Variants in PRICKLE2 observed in about 807,000 individuals in gnomAD.
PRICKLE2 encodes prickle-like protein 2.
A neutral mutation model predicts 81.4 loss-of-function variants in PRICKLE2; 21 were observed. That is an observed-to-expected ratio of 0.26 (90% CI 0.18 to 0.37). PRICKLE2 has a LOEUF of 0.37. Ranked by LOEUF, PRICKLE2 falls within the 10% of genes least tolerant of loss-of-function variation. The probability of loss-of-function intolerance (pLI) is 1.00; values close to 1 mark genes in which losing one functional copy is unlikely to be tolerated. For missense variants in PRICKLE2, 940 were observed against 1,109.0 expected (o/e 0.85, Z 2.16); for synonymous variants, 456 against 421.5 (o/e 1.08, Z -1.00).
At chr3:64,134,234 G>C (rs1015018319) in intron 7 of PRICKLE2, among the ~76,000 whole-genome samples, 1 of 152,150 alleles carries the variant, frequency 6.6e-6, no homozygotes, top group African/African-American at 2.4e-5. Flanking sequence ...CAGGTCAACT[G>C]GGCCCTTAAA....
At chr3:64,211,226 C>T (rs1333045393) in intron 1 of PRICKLE2, among the ~76,000 whole-genome samples, 2 of 152,058 alleles carry the variant, frequency 1.3e-5, no homozygotes, top group Non-Finnish European at 2.9e-5. Context: ...GTCCAAAAGG[C>T]GGAACAGAGG....
intron 2 of PRICKLE2, among the ~76,000 whole-genome samples, chr3:64,258,893 G>GAAAGAAATAAATAAAT (rs796940955): frequency 6.7e-4 from 95 of 140,816 alleles, no homozygotes; most frequent in African/African-American, 2.5e-3. Flanking sequence ...AAGAAAGAAA[G>GAAAGAAATAAATAAAT]AAATCAGGAG....
At position 64,099,643 on chromosome 3, in the gene PRICKLE2, C is replaced by T. The variant is rs894055397; in HGVS notation, c.1943G>A (p.Gly648Glu). The change falls in exon 8 of 8, where the codon GGG becomes GAG. Residue 648 changes from glycine (G) to glutamate (E), a missense_variant. Coordinates refer to ENST00000638394, the MANE Select transcript of PRICKLE2 (RefSeq NM_198859.4). The surrounding 1 kb of genome is among the most constrained non-coding windows in gnomAD (Gnocchi z 4.3). ...CCCTGGCAGCTTGCTGCCCGCCATC[C>T]CTCCATCAAAATCAAAGCTCTGATG... ...RMHQSFDFDGGMAGSKLPGQE... is the reference protein window; with the variant it reads ...RMHQSFDFDGEMAGSKLPGQE... 8 of 1,614,054 alleles carry T rather than the reference C, an allele frequency of 5.0e-6. No individual in the cohort carries two copies. The highest frequency in any genetic ancestry group is 6.8e-6 in the Non-Finnish European group (8 of 1,180,050).
At chr3:64,163,508 C>G in intron 2 of PRICKLE2, 1 of 324,634 alleles carries the variant, frequency 3.1e-6, no homozygotes. Context: ...GCCTCCCTAG[C>G]CAAAGGGATA....
chr3:64,210,314 G>T (rs2078764637), intron 1 of PRICKLE2, among the ~76,000 whole-genome samples: 1 of 151,850 alleles, frequency 6.6e-6, no homozygotes, highest in African/African-American at 2.4e-5. Context: ...CCCTTTTTTG[G>T]CAAACACTCA....
chr3:64,169,384 C>T (rs559526351), intron 2 of PRICKLE2, among the ~76,000 whole-genome samples: 150 of 152,226 alleles, frequency 9.9e-4, no homozygotes, highest in Admixed American at 1.8e-3. Flanking sequence ...CCCTGGATTG[C>T]GTTTCTCTGA....
At chr3:64,143,408 G>T (rs1423324718) in intron 7 of PRICKLE2, among the ~76,000 whole-genome samples, 2 of 152,106 alleles carry the variant, frequency 1.3e-5, no homozygotes, top group Non-Finnish European at 2.9e-5. Flanking sequence ...TTTGCCCAAG[G>T]ATCCTAGAAA....
At chr3:64,163,561 G>T (rs182003854) in intron 2 of PRICKLE2, 63 of 231,248 alleles carry the variant, frequency 2.7e-4, no homozygotes, top group South Asian at 6.0e-4. Context: ...CCAGTCTTTG[G>T]CACTCGGCAA....
chr3:64,180,238 G>A (rs977352124), intron 2 of PRICKLE2, among the ~76,000 whole-genome samples: 53 of 152,200 alleles, frequency 3.5e-4, no homozygotes, highest in African/African-American at 1.3e-3. Flanking sequence ...CCTCAACAAA[G>A]ACCATGTGGT....
At chr3:64,229,424 ATC>A (rs1381418227), upstream of PRICKLE2, among the ~76,000 whole-genome samples, 1 of 152,098 alleles carries the variant, frequency 6.6e-6, no homozygotes, top group Non-Finnish European at 1.5e-5. Flanking sequence ...CAAGTTTTAA[ATC>A]TCTGTTTCTA....
intron 7 of PRICKLE2, chr3:64,104,474 C>T (rs2076722016): frequency 6.6e-6 from 1 of 152,228 alleles, no homozygotes; most frequent in Non-Finnish European, 1.5e-5. Flanking sequence ...TTTCCCGAAC[C>T]TGTCTTTCAT....
At chr3:64,176,630 A>G (rs2078027379) in intron 2 of PRICKLE2, among the ~76,000 whole-genome samples, 1 of 152,218 alleles carries the variant, frequency 6.6e-6, no homozygotes, top group Admixed American at 6.5e-5. Flanking sequence ...ATTGTTGGAA[A>G]CACATTTTAG....
intron 1 of PRICKLE2, among the ~76,000 whole-genome samples, chr3:64,221,387 C>T (rs540753641): frequency 4.8e-4 from 73 of 151,502 alleles, no homozygotes; most frequent in African/African-American, 1.6e-3. Context: ...CTGACTCAAT[C>T]CCCAAAAGAG....
chr3:64,206,265 A>G (rs748667614), intron 1 of PRICKLE2, among the ~76,000 whole-genome samples: 4 of 152,162 alleles, frequency 2.6e-5, no homozygotes, highest in Non-Finnish European at 5.9e-5. Context: ...CGGTCCTCCA[A>G]GCACAGCTCA....
Position 64,099,924 on chromosome 3 carries a change from G to C in PRICKLE2, c.1662C>G (p.Gly554=), listed in dbSNP as rs201427195. 6.2e-7 allele frequency: 1 copy of C among 1,614,050 alleles called. No homozygotes were observed. The highest frequency in any genetic ancestry group is 8.5e-7 in the Non-Finnish European group (1 of 1,180,010). The part of the protein sequence containing the change: ...MESLALSNAT[G]LSADGGAKRQ... ...GCTTGGCACCACCATCAGCAGAGAG[G>C]CCTGGGGAAGAGAGGAGGGGACCAC... Residue 554 remains glycine, a splice_region_variant and synonymous_variant, in exon 8 of 8, where the codon GGC becomes GGG. Coordinates refer to ENST00000638394, the MANE Select transcript of PRICKLE2 (RefSeq NM_198859.4). The surrounding 1 kb of genome is among the most constrained non-coding windows in gnomAD (Gnocchi z 4.3).
intron 4 of PRICKLE2, among the ~76,000 whole-genome samples, chr3:64,157,909 A>G (rs896441426): frequency 6.6e-6 from 1 of 152,176 alleles, no homozygotes; most frequent in Non-Finnish European, 1.5e-5. Flanking sequence ...TTCCTCTAAC[A>G]TCTTTCTACA....
At chr3:64,234,586 A>C (rs1312158926) in intron 2 of PRICKLE2, among the ~76,000 whole-genome samples, 1 of 152,158 alleles carries the variant, frequency 6.6e-6, no homozygotes, top group Non-Finnish European at 1.5e-5. Context: ...TGATTTATAA[A>C]TGTTTTCTCC....
chr3:64,202,143 G>C (rs2078594497), intron 1 of PRICKLE2, among the ~76,000 whole-genome samples: 1 of 152,184 alleles, frequency 6.6e-6, no homozygotes, highest in Non-Finnish European at 1.5e-5. Context: ...CAGTTCTGCG[G>C]TAAGTTTTAA....
intron 1 of PRICKLE2, among the ~76,000 whole-genome samples, chr3:64,220,305 G>A (rs2078932156): frequency 6.6e-6 from 1 of 152,134 alleles, no homozygotes; most frequent in African/African-American, 2.4e-5. Context: ...GATGGGGCTG[G>A]AAAATATTTA....
Sources: gnomAD v4.1 joint callset for allele counts (sites outside exome capture counted in the v4.1 genomes callset) on GRCh38, gnomAD v4.1.1 for gene constraint, Gnocchi (gnomAD v3.1) non-coding constraint, MANE v1.5 for transcripts, NCBI Gene and HGNC (gene_info 2026-07-23, HGNC 2026-07-21) for gene names.